Variants in SUZ12 observed in about 807,000 individuals in gnomAD.
SUZ12 encodes the protein SUZ12 polycomb repressive complex 2 subunit.
SUZ12 carries 17 observed loss-of-function variants against 87.3 expected under a neutral mutation model. The observed-to-expected ratio is 0.19, with a 90% CI of 0.13 to 0.29. The LOEUF (loss-of-function observed/expected upper bound fraction) is 0.29. Ranked by LOEUF, SUZ12 falls within the 10% of genes least tolerant of loss-of-function variation. The probability of loss-of-function intolerance (pLI) is 1.00; values close to 1 mark genes in which losing one functional copy is unlikely to be tolerated. For missense variants in SUZ12, 526 were observed against 912.2 expected (o/e 0.58, Z 5.45); for synonymous variants, 253 against 312.4 (o/e 0.81, Z 2.01).
intron 8 of SUZ12, among the ~76,000 whole-genome samples, chr17:31,982,454 G>GT (rs1328036826): frequency 1.3e-5 from 2 of 152,198 alleles, no homozygotes; most frequent in East Asian, 3.8e-4. Context: ...GAGGGCAGGA[G>GT]TTTAAGACCA....
chr17:31,949,085 CCAA>C (rs1292620640), intron 4 of SUZ12, among the ~76,000 whole-genome samples: 1 of 152,124 alleles, frequency 6.6e-6, no homozygotes, highest in Non-Finnish European at 1.5e-5. Flanking sequence ...GAAGCATGAA[CCAA>C]CAACAGGAAC....
At chr17:31,940,028 T>G (rs1187894154) in intron 1 of SUZ12, among the ~76,000 whole-genome samples, 2 of 152,218 alleles carry the variant, frequency 1.3e-5, no homozygotes, top group Admixed American at 6.5e-5. Flanking sequence ...ATAACTATCT[T>G]AGAAAGGCTT....
At chr17:31,948,073 T>C (rs1906737397) in intron 4 of SUZ12, among the ~76,000 whole-genome samples, 1 of 152,202 alleles carries the variant, frequency 6.6e-6, no homozygotes, top group African/African-American at 2.4e-5. Flanking sequence ...TTGTAAGTTA[T>C]TCTCAAATAT....
At chr17:31,967,880 T>C (rs1908192526) in intron 5 of SUZ12, among the ~76,000 whole-genome samples, 1 of 152,134 alleles carries the variant, frequency 6.6e-6, no homozygotes, top group South Asian at 2.1e-4. Context: ...AAATCCCAAA[T>C]ATTAGACTGG....
chr17:31,997,434 G>A (rs1322371328), intron 15 of SUZ12, among the ~76,000 whole-genome samples: 1 of 152,108 alleles, frequency 6.6e-6, no homozygotes, highest in South Asian at 2.1e-4. Context: ...AGGCCAAGGT[G>A]GGTGGATCAC....
At chr17:31,944,838 C>T (rs1163292817) in intron 3 of SUZ12, among the ~76,000 whole-genome samples, 1 of 151,974 alleles carries the variant, frequency 6.6e-6, no homozygotes, top group Admixed American at 6.6e-5. Context: ...ATCAAGTGAA[C>T]AAGTTTACAT....
At chr17:31,948,097 T>C (rs1007790459) in intron 4 of SUZ12, among the ~76,000 whole-genome samples, 1 of 152,016 alleles carries the variant, frequency 6.6e-6, no homozygotes, top group Admixed American at 6.6e-5. Context: ...AGGGGTTCTC[T>C]TTTTTTTCCA....
At chr17:31,941,554 G>A (rs1177280654) in intron 3 of SUZ12, among the ~76,000 whole-genome samples, 1 of 19,680 alleles carries the variant, frequency 5.1e-5, no homozygotes, top group South Asian at 6.1e-3. Context: ...ACCGTGCCTG[G>A]CCTTTTTTTT....
Position 31,948,868 on chromosome 17 carries a change from C to T in SUZ12, c.455+1183C>T, listed in dbSNP as rs570165618. Among the ~76,000 whole-genome samples, 8 of 152,276 alleles carry T rather than the reference C, an allele frequency of 5.3e-5. No homozygotes were observed. The East Asian group carries it at 9.6e-4, about 18-fold the overall frequency. On this transcript the variant is annotated intron_variant, in intron 4 of 15. Transcript: ENST00000322652. ...CCTATAAGATAGAACTGAGAATATT[C>T]GCAGTGCACGCACATTTTTCTTTAC...
At chr17:31,985,025 G>C (rs951349011) in intron 9 of SUZ12, among the ~76,000 whole-genome samples, 7 of 152,050 alleles carry the variant, frequency 4.6e-5, no homozygotes, top group Non-Finnish European at 1.0e-4. Context: ...CATGGTGGCA[G>C]GTGCTTGTAG....
intron 4 of SUZ12, among the ~76,000 whole-genome samples, chr17:31,956,764 ATATATG>A (rs1183159864): frequency 2.0e-5 from 3 of 151,600 alleles, no homozygotes; most frequent in African/African-American, 7.3e-5. Flanking sequence ...GTGTGTGTAT[ATATATG>A]TATATATGTA....
At chr17:31,962,414 A>T (rs1393869997) in intron 4 of SUZ12, among the ~76,000 whole-genome samples, 1 of 152,094 alleles carries the variant, frequency 6.6e-6, no homozygotes, top group East Asian at 1.9e-4. Context: ...AACATGGCAA[A>T]ATCCTGACTC....
chr17:31,952,072 C>G (rs1175071021), intron 4 of SUZ12, among the ~76,000 whole-genome samples: 1 of 151,946 alleles, frequency 6.6e-6, no homozygotes, highest in Non-Finnish European at 1.5e-5. Flanking sequence ...CTGCGCCCAG[C>G]CTTCTTTTTC....
In SUZ12 at chr17:32,000,055, CAT is replaced by C. The variant is rs1388641375; in HGVS notation, c.*1055_*1056del. ...CCCTGTGTTATATGTGTTTCACGCA[CAT>C]ATTTGCAGTTGGATTTTCTCCAACA... On this transcript the variant is annotated 3_prime_UTR_variant, in exon 16 of 16. Coordinates refer to ENST00000322652, the MANE Select transcript of SUZ12 (RefSeq NM_015355.4). 4.3e-6 allele frequency: 1 copy of C among 232,878 alleles called. No homozygotes were observed. The highest frequency in any genetic ancestry group is 5.6e-5 in the Admixed American group (1 of 17,770). The allele number at this position is 232,878 out of a possible 1,614,324, so 14.4% of individuals were successfully genotyped here.
At chr17:31,948,315 T>C (rs572378355) in intron 4 of SUZ12, among the ~76,000 whole-genome samples, 1 of 152,328 alleles carries the variant, frequency 6.6e-6, no homozygotes, top group African/African-American at 2.4e-5. Flanking sequence ...TTCTATTTAT[T>C]TTTTGACACG....
At chr17:31,943,706 C>T (rs1906441749) in intron 3 of SUZ12, among the ~76,000 whole-genome samples, 1 of 144,944 alleles carries the variant, frequency 6.9e-6, no homozygotes, top group South Asian at 2.2e-4. Context: ...TTCATCAAAG[C>T]TTTTTTTTTT....
intron 4 of SUZ12, among the ~76,000 whole-genome samples, chr17:31,957,871 C>T (rs1262093459): frequency 6.8e-6 from 1 of 148,030 alleles, no homozygotes; most frequent in African/African-American, 2.5e-5. Flanking sequence ...AGCCACTGCA[C>T]CTGGCCCTGG....
chr17:31,943,425 A>G (rs1906423440), intron 3 of SUZ12, among the ~76,000 whole-genome samples: 2 of 152,238 alleles, frequency 1.3e-5, no homozygotes, highest in Non-Finnish European at 2.9e-5. Context: ...AAATACAACA[A>G]TATAAGATAG....
At chr17:31,970,567 G>A (rs1435148347) in intron 5 of SUZ12, among the ~76,000 whole-genome samples, 1 of 152,086 alleles carries the variant, frequency 6.6e-6, no homozygotes, top group Non-Finnish European at 1.5e-5. Flanking sequence ...GGTGCAGGCT[G>A]CAGGGAGCCG....
Sources: allele counts gnomAD v4.1 joint callset (sites outside exome capture counted in the v4.1 genomes callset), GRCh38; gene constraint gnomAD v4.1.1; transcripts MANE v1.5; gene names NCBI Gene and HGNC (gene_info 2026-07-23, HGNC 2026-07-21).